Variants in PCDHGA1 observed in about 807,000 individuals in gnomAD.
PCDHGA1 encodes the protein protocadherin gamma subfamily A, 1, also known as protocadherin gamma-A1.
In PCDHGA1, 32 loss-of-function variants were observed where a neutral mutation model predicts 58.0. The observed-to-expected ratio is 0.55, with a 90% CI of 0.42 to 0.74. PCDHGA1 has a LOEUF of 0.74. PCDHGA1 is among the 30% of genes least tolerant of loss of function. PCDHGA1 has a pLI of 0.00. For missense variants in PCDHGA1, 1,205 were observed against 1,182.3 expected (o/e 1.02, Z -0.28); for synonymous variants, 498 against 501.1 (o/e 0.99, Z 0.08).
chr5:141,444,897 G>T (rs1445334623), intron 1 of PCDHGA1, among the ~76,000 whole-genome samples: 1 of 152,274 alleles, frequency 6.6e-6, no homozygotes, highest in African/African-American at 2.4e-5. Flanking sequence ...GAATGGGATG[G>T]CATTGCATCT....
intron 1 of PCDHGA1, chr5:141,383,173 C>A (rs1481900327): frequency 1.2e-6 from 2 of 1,614,064 alleles, no homozygotes; most frequent in South Asian, 1.1e-5. Context: ...CAGGATAGAC[C>A]GGGAAGAGAT....
Position 141,360,726 on chromosome 5 carries a change from A to G in PCDHGA1, c.2421+27621A>G, listed in dbSNP as rs546905813. On this transcript the variant is annotated intron_variant, in intron 1 of 3. Coordinates refer to ENST00000517417, the MANE Select transcript of PCDHGA1 (RefSeq NM_018912.3). ...GTAAATATCCTGAGTTGATTCTAAA[A>G]CACTCTCTGGACAGAGAAGAGCACA... The G allele has an allele frequency of 1.6e-5, 26 of 1,613,970 alleles. No individual in the cohort carries two copies. In the Admixed American group the frequency reaches 4.3e-4, roughly 27 times the overall value.
intron 2 of PCDHGA1, among the ~76,000 whole-genome samples, chr5:141,496,352 G>A (rs2099768243): frequency 2.0e-5 from 3 of 152,200 alleles, no homozygotes; most frequent in South Asian, 2.1e-4. Context: ...GAGTCTCAGA[G>A]CCCAGGGAGA....
At chr5:141,352,394 CGA>C (rs776094293) in intron 1 of PCDHGA1, 1 of 1,613,932 alleles carries the variant, frequency 6.2e-7, no homozygotes. Flanking sequence ...CCTGCGCCTG[CGA>C]CGTTCCTCCA....
chr5:141,433,048 G>T (rs777523454), intron 1 of PCDHGA1: 20 of 1,614,142 alleles, frequency 1.2e-5, no homozygotes, highest in Non-Finnish European at 1.5e-5. Flanking sequence ...CCACGGACTC[G>T]CGGAAGAGTC....
chr5:141,382,040 G>T, intron 1 of PCDHGA1, among the ~76,000 whole-genome samples: 1 of 151,758 alleles, frequency 6.6e-6, no homozygotes, highest in Admixed American at 6.6e-5. Flanking sequence ...TGTTGGTCAG[G>T]CTGGTCTCAA....
chr5:141,385,507 AG>A, intron 1 of PCDHGA1: 1 of 1,376,812 alleles, frequency 7.3e-7, no homozygotes, highest in Non-Finnish European at 9.4e-7. Flanking sequence ...GTATTTCTTT[AG>A]TGAAAGCCTA....
intron 1 of PCDHGA1, chr5:141,413,167 C>G: frequency 6.3e-7 from 1 of 1,590,828 alleles, no homozygotes; most frequent in Non-Finnish European, 8.6e-7. Context: ...ATTCTGTAAC[C>G]AGACTACAAT....
At chr5:141,458,774 A>G (rs2154566349) in intron 1 of PCDHGA1, among the ~76,000 whole-genome samples, 1 of 151,812 alleles carries the variant, frequency 6.6e-6, no homozygotes, top group Admixed American at 6.6e-5. Flanking sequence ...GCTGTGTCAC[A>G]CAGGCTGGAG....
At chr5:141,382,922 G>A (rs760288273) in intron 1 of PCDHGA1, 35 of 1,561,514 alleles carry the variant, frequency 2.2e-5, no homozygotes, top group Non-Finnish European at 2.9e-5. Context: ...CCGAGGGGCG[G>A]GGACTACAGA....
chr5:141,415,409 TG>T (rs763291157), intron 1 of PCDHGA1: 1 of 1,614,208 alleles, frequency 6.2e-7, no homozygotes, highest in Non-Finnish European at 8.5e-7. Context: ...TCGCACTTTG[TG>T]GGCGTGGACG....
rs1486554010 is a variant in PCDHGA1 at position 141,431,630 on chromosome 5, G to C, written c.2422-63177G>C. Reference sequence around the variant, plus strand: ...GTATGTGGACGACAAGGCGGCCCAAGTTTTCAAACTAGATTGTAATTCAGG... The same window carrying C: ...GTATGTGGACGACAAGGCGGCCCAACTTTTCAAACTAGATTGTAATTCAGG... On this transcript the variant is annotated intron_variant, in intron 1 of 3. Transcript: ENST00000517417. This position sits in a 1 kb window ranked among gnomAD's most constrained non-coding sequence, Gnocchi z 4.8. 6.2e-7 allele frequency: 1 copy of C among 1,614,250 alleles called. No individual in the cohort carries two copies. Among genetic ancestry groups the C allele is most frequent in the East Asian group, 2.2e-5 (1 of 44,882 alleles).
intron 1 of PCDHGA1, chr5:141,410,195 G>A (rs769655902): frequency 1.1e-5 from 18 of 1,613,966 alleles, no homozygotes; most frequent in Non-Finnish European, 1.0e-5. Context: ...TCTGGTCTTC[G>A]CAGACAACTT....
At chr5:141,343,240 A>G in intron 1 of PCDHGA1, 1 of 911,810 alleles carries the variant, frequency 1.1e-6, no homozygotes, top group Non-Finnish European at 1.3e-6. Flanking sequence ...ATAACAACAA[A>G]TATCGAAACT....
In PCDHGA1 at chr5:141,350,557, T is replaced by C. The variant is rs372944053; in HGVS notation, c.2421+17452T>C. On this transcript the variant is annotated intron_variant, in intron 1 of 3. Transcript: ENST00000517417. ...AGATTTGCGGAAGGAAACTTGAGTG[T>C]GCACTAGAATTCGAAACGGTCGCTG... The C allele has an allele frequency of 6.8e-6, 11 of 1,614,060 alleles. No individual in the cohort carries two copies. The African/African-American group carries it at 1.5e-4, about 22-fold the overall frequency.
chr5:141,362,412 A>G (rs369877843), intron 1 of PCDHGA1: 98 of 1,613,916 alleles, frequency 6.1e-5, no homozygotes, highest in Non-Finnish European at 8.1e-5. Context: ...TTGCCTCACA[A>G]TCAGCCAAGA....
At chr5:141,360,231 G>T in intron 1 of PCDHGA1, 2 of 1,613,880 alleles carry the variant, frequency 1.2e-6, no homozygotes, top group Non-Finnish European at 1.7e-6. Flanking sequence ...TCCCAGTCCA[G>T]ATCCGCTATT....
intron 1 of PCDHGA1, chr5:141,420,202 C>T (rs2096476837): frequency 6.2e-7 from 1 of 1,613,136 alleles, no homozygotes. Flanking sequence ...AAGATAACCT[C>T]AACAAAGATA....
chr5:141,348,855 T>C (rs1033891366), intron 1 of PCDHGA1, among the ~76,000 whole-genome samples: 5 of 152,168 alleles, frequency 3.3e-5, no homozygotes, highest in South Asian at 2.1e-4. Context: ...CACTGCAAAA[T>C]AGTAGAATAA....
Sources: allele counts gnomAD v4.1 joint callset (sites outside exome capture counted in the v4.1 genomes callset), GRCh38; gene constraint gnomAD v4.1.1; non-coding constraint Gnocchi (gnomAD v3.1); transcripts MANE v1.5; gene names NCBI Gene and HGNC (gene_info 2026-07-23, HGNC 2026-07-21).